CSMD1: variants seen among roughly 807,000 people sequenced by gnomAD.
CSMD1 encodes CUB and sushi domain-containing protein 1.
A neutral mutation model predicts 417.5 loss-of-function variants in CSMD1; 213 were observed. The observed-to-expected ratio is 0.51, with a 90% CI of 0.46 to 0.57. CSMD1 has a LOEUF of 0.57. Among genes scored for constraint, CSMD1 ranks in the 20% least tolerant of loss-of-function variants. The probability of loss-of-function intolerance (pLI) is 0.00; values close to 1 mark genes in which losing one functional copy is unlikely to be tolerated. For synonymous variants in CSMD1, 2,862 were observed against 1,736.8 expected (o/e 1.65, Z -16.11); for missense variants, 6,923 against 4,529.7 (o/e 1.53, Z -15.17).
At chr8:4,156,841 G>C (rs530658097) in intron 3 of CSMD1, among the ~76,000 whole-genome samples, 5 of 151,716 alleles carry the variant, frequency 3.3e-5, no homozygotes, top group East Asian at 1.9e-4. Context: ...CACAATCACA[G>C]GGAGGCTTTT....
At chr8:3,149,772 C>T (rs1421713249) in intron 40 of CSMD1, among the ~76,000 whole-genome samples, 2 of 152,110 alleles carry the variant, frequency 1.3e-5, no homozygotes, top group African/African-American at 4.8e-5. Flanking sequence ...CTCACCATAA[C>T]CTTATGTGGG....
chr8:4,465,608 G>A (rs1161691223), intron 2 of CSMD1, among the ~76,000 whole-genome samples: 1 of 152,160 alleles, frequency 6.6e-6, no homozygotes, highest in Non-Finnish European at 1.5e-5. Context: ...AGACGTTGAG[G>A]ATTATTAAGT....
intron 3 of CSMD1, among the ~76,000 whole-genome samples, chr8:4,292,995 A>G (rs1797456148): frequency 6.6e-6 from 1 of 152,318 alleles, no homozygotes; most frequent in East Asian, 1.9e-4. Flanking sequence ...TCTTTTCTTC[A>G]GGTGCAGAGG....
At chr8:4,173,533 G>A (rs1237778964) in intron 3 of CSMD1, among the ~76,000 whole-genome samples, 1 of 151,996 alleles carries the variant, frequency 6.6e-6, no homozygotes, top group African/African-American at 2.4e-5. Flanking sequence ...ATCCTCTTGT[G>A]GTTTACAAGA....
At chr8:4,140,126 G>A (rs1285030288) in intron 3 of CSMD1, among the ~76,000 whole-genome samples, 1 of 150,922 alleles carries the variant, frequency 6.6e-6, no homozygotes, top group Non-Finnish European at 1.5e-5. Flanking sequence ...GTGAAGGCGG[G>A]AGGATTCCTT....
At chr8:4,779,629 G>T (rs886621316) in intron 1 of CSMD1, among the ~76,000 whole-genome samples, 2 of 152,208 alleles carry the variant, frequency 1.3e-5, no homozygotes, top group Non-Finnish European at 2.9e-5. Context: ...CACTTCTCAA[G>T]CTTCTCTGGC....
At chr8:3,213,577 A>C (rs541059801) in intron 30 of CSMD1, among the ~76,000 whole-genome samples, 1 of 152,112 alleles carries the variant, frequency 6.6e-6, no homozygotes, top group African/African-American at 2.4e-5. Context: ...AAGGAATTAC[A>C]AACTATTGCT....
chr8:4,547,180 C>T (rs990125495), intron 2 of CSMD1, among the ~76,000 whole-genome samples: 3 of 152,148 alleles, frequency 2.0e-5, no homozygotes, highest in African/African-American at 7.2e-5. Context: ...CCAACCCGTC[C>T]ACTTATTAAA....
chr8:4,010,242 T>G (rs1382368198), intron 4 of CSMD1, among the ~76,000 whole-genome samples: 3 of 152,084 alleles, frequency 2.0e-5, no homozygotes, highest in Admixed American at 1.3e-4. Flanking sequence ...TACTTCCAGG[T>G]GACTCATGGT....
chr8:4,699,767 T>C (rs1287085882), intron 1 of CSMD1, among the ~76,000 whole-genome samples: 2 of 152,174 alleles, frequency 1.3e-5, no homozygotes, highest in Non-Finnish European at 1.5e-5. Context: ...TCATGGTTAG[T>C]TTGTCAGGAA....
intron 4 of CSMD1, among the ~76,000 whole-genome samples, chr8:4,000,745 T>C (rs1815603352): frequency 1.3e-5 from 2 of 151,998 alleles, no homozygotes; most frequent in Non-Finnish European, 2.9e-5. Context: ...AAATATATAA[T>C]TTTATTTAAT....
At chr8:2,978,498 G>A in intron 55 of CSMD1, 114 bp downstream of exon 55, 2 of 789,208 alleles carry the variant, frequency 2.5e-6, no homozygotes, top group Non-Finnish European at 4.0e-6. Context: ...AATTGGTGAT[G>A]GGAGGACAGA....
chr8:2,955,468 G>A, intron 64 of CSMD1, 121 bp downstream of exon 64: 1 of 851,862 alleles, frequency 1.2e-6, no homozygotes, highest in Non-Finnish European at 1.8e-6. Flanking sequence ...TGAGGCAGGT[G>A]GCGATGCTGC....
intron 2 of CSMD1, among the ~76,000 whole-genome samples, chr8:4,587,229 C>A (rs1426320535): frequency 6.6e-6 from 1 of 152,102 alleles, no homozygotes; most frequent in African/African-American, 2.4e-5. Flanking sequence ...GTTTTCTCCA[C>A]TTGTCTGTTG....
At chr8:4,710,777 G>A (rs2116862173) in intron 1 of CSMD1, among the ~76,000 whole-genome samples, 1 of 151,764 alleles carries the variant, frequency 6.6e-6, no homozygotes, top group Middle Eastern at 3.4e-3. Context: ...CCCGGGAGGT[G>A]GAGGATGACA....
chr8:3,365,138 G>C (rs565527774), intron 20 of CSMD1, among the ~76,000 whole-genome samples: 1 of 152,216 alleles, frequency 6.6e-6, no homozygotes, highest in Non-Finnish European at 1.5e-5. Flanking sequence ...TGCAGAGAGA[G>C]AGGGATTTAG....
chr8:3,801,887 G>A (rs1434731495), intron 5 of CSMD1, among the ~76,000 whole-genome samples: 2 of 152,210 alleles, frequency 1.3e-5, no homozygotes, highest in Non-Finnish European at 2.9e-5. Flanking sequence ...CACATATTAT[G>A]AGATCTCATA....
intron 3 of CSMD1, among the ~76,000 whole-genome samples, chr8:4,338,907 G>C (rs1461741492): frequency 1.3e-5 from 2 of 152,058 alleles, no homozygotes; most frequent in Non-Finnish European, 2.9e-5. Flanking sequence ...TGACAACAGA[G>C]GCATGATAAA....
intron 3 of CSMD1, among the ~76,000 whole-genome samples, chr8:4,318,174 T>C (rs550651976): frequency 5.3e-5 from 8 of 152,144 alleles, no homozygotes; most frequent in Admixed American, 3.3e-4. Context: ...ATATTGTTAC[T>C]ATCCTTCTAT....
Sources: gnomAD v4.1 joint callset for allele counts (sites outside exome capture counted in the v4.1 genomes callset) on GRCh38, gnomAD v4.1.1 for gene constraint, MANE v1.5 for transcripts, NCBI Gene and HGNC (gene_info 2026-07-23, HGNC 2026-07-21) for gene names.